The following MTHFD1L variants were observed in gnomAD, a reference collection of about 807,000 sequenced individuals.
MTHFD1L encodes methylenetetrahydrofolate dehydrogenase (NADP+ dependent) 1 like, also known as monofunctional C1-tetrahydrofolate synthase, mitochondrial.
Under a neutral mutation model 119.5 loss-of-function variants are expected in MTHFD1L, and 81 were observed. That is an observed-to-expected ratio of 0.68 (90% CI 0.57 to 0.82). The LOEUF is 0.82. Among genes scored for constraint, MTHFD1L ranks in the 40% least tolerant of loss-of-function variants. MTHFD1L has a pLI of 0.00. For missense variants in MTHFD1L, 1,125 were observed against 1,253.4 expected (o/e 0.90, Z 1.55); for synonymous variants, 430 against 475.2 (o/e 0.90, Z 1.24).
chr6:150,906,857 C>T (rs1786000579), intron 8 of MTHFD1L, among the ~76,000 whole-genome samples: 1 of 152,106 alleles, frequency 6.6e-6, no homozygotes. Context: ...GATTAAAAAC[C>T]CCTTGGGGGC....
At chr6:150,963,964 G>C (rs993887730) in intron 18 of MTHFD1L, among the ~76,000 whole-genome samples, 2 of 152,102 alleles carry the variant, frequency 1.3e-5, no homozygotes, top group African/African-American at 4.8e-5. Flanking sequence ...TCAGGAGTTC[G>C]CGACCAGCCT....
At chr6:150,951,688 T>G (rs1274864609) in intron 16 of MTHFD1L, among the ~76,000 whole-genome samples, 4 of 152,222 alleles carry the variant, frequency 2.6e-5, no homozygotes, top group Non-Finnish European at 4.4e-5. Context: ...ACATGAATAC[T>G]TTAAGCATTT....
chr6:151,023,810 T>C (rs2128507581), intron 24 of MTHFD1L, among the ~76,000 whole-genome samples: 1 of 152,282 alleles, frequency 6.6e-6, no homozygotes, highest in African/African-American at 2.4e-5. Flanking sequence ...TGATGAACTA[T>C]CAAAGTCACA....
intron 26 of MTHFD1L, among the ~76,000 whole-genome samples, chr6:151,064,788 T>C (rs1283194376): frequency 8.9e-6 from 1 of 112,782 alleles, no homozygotes; most frequent in Non-Finnish European, 2.2e-5. Context: ...ATTCTTTTTT[T>C]GTTTTTTTTT....
At chr6:151,030,409 T>C (rs533764515) in intron 24 of MTHFD1L, among the ~76,000 whole-genome samples, 23 of 152,348 alleles carry the variant, frequency 1.5e-4, no homozygotes, top group Non-Finnish European at 2.9e-4. Flanking sequence ...TTCTGGGAGC[T>C]GACTTCTAAC....
At position 150,891,618 on chromosome 6, in the gene MTHFD1L, A is replaced by T. The variant is rs73615078; in HGVS notation, c.780+3637A>T. 1.1e-3 allele frequency among the ~76,000 whole-genome samples: 166 copies of T among 150,948 alleles called. 1 individual carries two copies. Among genetic ancestry groups the T allele is most frequent in the African/African-American group, 3.9e-3 (160 of 41,328 alleles). On this transcript the variant is annotated intron_variant, in intron 7 of 27. Transcript: ENST00000367321. ...AATGAAGTAAAAATATAAAGAAATA[A>T]TGCAAACTACGAACCAAATCCGAAA... is the stretch of plus-strand genomic sequence containing the variant.
At chr6:151,074,197 T>C (rs933224692) in intron 26 of MTHFD1L, among the ~76,000 whole-genome samples, 1 of 152,068 alleles carries the variant, frequency 6.6e-6, no homozygotes, top group Non-Finnish European at 1.5e-5. Context: ...GCTGAAAAAA[T>C]TCATCACTAG....
chr6:151,068,913 A>G (rs1206069667), intron 26 of MTHFD1L, among the ~76,000 whole-genome samples: 2 of 152,162 alleles, frequency 1.3e-5, no homozygotes, highest in Admixed American at 1.3e-4. Flanking sequence ...ACTTGGCTCA[A>G]TTTCTTGGAA....
chr6:151,039,940 A>ACATACATACATACATG lies in MTHFD1L; in HGVS notation c.2847+2830_2847+2831insACATACATGCATACAT, dbSNP rs1209396464. The stretch of plus-strand genomic sequence containing the variant: ...TAAATACATACATACATACATACAT[A>ACATACATACATACATG]CATACATGCATACATGCATACATGC... On this transcript the variant is annotated intron_variant, in intron 26 of 27. Transcript: ENST00000367321. The surrounding 1 kb of genome is among the most constrained non-coding windows in gnomAD (Gnocchi z 4.4). Among the ~76,000 whole-genome samples the ACATACATACATACATG allele has an allele frequency of 6.0e-5, 9 of 150,216 alleles. No individual in the cohort carries two copies. Among genetic ancestry groups the ACATACATACATACATG allele is most frequent in the East Asian group, 3.9e-4 (2 of 5,170 alleles).
At chr6:151,028,134 G>A (rs1473093565) in intron 24 of MTHFD1L, among the ~76,000 whole-genome samples, 2 of 152,144 alleles carry the variant, frequency 1.3e-5, no homozygotes, top group Non-Finnish European at 2.9e-5. Flanking sequence ...CCGCCCAGTT[G>A]GGATTCATTC....
chr6:150,935,563 A>G lies in MTHFD1L; in HGVS notation c.1257-1241A>G. 6 of 1,476,918 alleles carry G rather than the reference A, an allele frequency of 4.1e-6. 1 individual carries two copies. The highest frequency in any genetic ancestry group is 1.8e-4 in the Middle Eastern group (1 of 5,612). The allele number at this position is 1,476,918 out of a possible 1,614,324, so 91.5% of individuals were successfully genotyped here. ...TTTTGCGGCAACAGAAAAAGAAAAG[A>G]TGAATATCAATATCTATTATATCTG... On this transcript the variant is annotated intron_variant, in intron 11 of 27. Coordinates refer to ENST00000367321, the MANE Select transcript of MTHFD1L (RefSeq NM_015440.5).
intron 26 of MTHFD1L, among the ~76,000 whole-genome samples, chr6:151,062,899 G>A (rs1479682043): frequency 2.0e-5 from 3 of 152,162 alleles, no homozygotes; most frequent in East Asian, 1.9e-4. Context: ...TGGGAGGAGG[G>A]GGGAGGGATA....
intron 26 of MTHFD1L, among the ~76,000 whole-genome samples, chr6:151,076,191 G>A (rs113726584): frequency 4.0e-5 from 6 of 151,292 alleles, no homozygotes; most frequent in Admixed American, 6.7e-5. Flanking sequence ...GAGACTCTGT[G>A]TCTACAATAA....
chr6:150,908,183 C>T (rs538337607), intron 8 of MTHFD1L, among the ~76,000 whole-genome samples: 31 of 150,904 alleles, frequency 2.1e-4, no homozygotes, highest in Admixed American at 6.6e-4. Flanking sequence ...GCTAGGATTA[C>T]GGGCATGAGC....
chr6:151,031,642 C>T (rs1408075752), intron 24 of MTHFD1L, among the ~76,000 whole-genome samples: 1 of 152,138 alleles, frequency 6.6e-6, no homozygotes, highest in Non-Finnish European at 1.5e-5. Context: ...CAGTCTGTCT[C>T]TTATTTTTTG....
intron 26 of MTHFD1L, among the ~76,000 whole-genome samples, chr6:151,083,640 A>G (rs1196711843): frequency 6.6e-6 from 1 of 152,190 alleles, no homozygotes. Flanking sequence ...GATTTTGCCA[A>G]CCCACTAGAG....
At chr6:151,033,268 C>T (rs891843218) in intron 24 of MTHFD1L, among the ~76,000 whole-genome samples, 9 of 151,926 alleles carry the variant, frequency 5.9e-5, no homozygotes, top group Non-Finnish European at 7.4e-5. Flanking sequence ...TACAGAAGTG[C>T]GCTGCCACAC....
At chr6:150,901,207 G>A (rs1174995639) in intron 7 of MTHFD1L, among the ~76,000 whole-genome samples, 1 of 152,040 alleles carries the variant, frequency 6.6e-6, no homozygotes, top group Non-Finnish European at 1.5e-5. Context: ...AGTGGCTCAC[G>A]CCTGTAATCC....
intron 26 of MTHFD1L, among the ~76,000 whole-genome samples, chr6:151,038,343 CAA>C (rs1786512849): frequency 6.6e-6 from 1 of 151,960 alleles, no homozygotes; most frequent in African/African-American, 2.4e-5. Context: ...AGTTTTGACT[CAA>C]AGGCACCAAA....
Sources: gnomAD v4.1 joint callset for allele counts (sites outside exome capture counted in the v4.1 genomes callset) on GRCh38, gnomAD v4.1.1 for gene constraint, Gnocchi (gnomAD v3.1) non-coding constraint, MANE v1.5 for transcripts, NCBI Gene and HGNC (gene_info 2026-07-23, HGNC 2026-07-21) for gene names.